FRMD5: variants seen among roughly 807,000 people sequenced by gnomAD.
FRMD5 encodes FERM domain-containing protein 5.
In FRMD5, 20 loss-of-function variants were observed where a neutral mutation model predicts 69.0. The ratio of observed to expected loss-of-function variants is 0.29; its 90% confidence interval spans 0.20 to 0.42. The LOEUF (loss-of-function observed/expected upper bound fraction) is 0.42, where lower values mean the gene tolerates loss of function less well. Ranked by LOEUF, FRMD5 falls within the 10% of genes least tolerant of loss-of-function variation. FRMD5 has a pLI of 1.00. For missense variants in FRMD5, 595 were observed against 708.6 expected (o/e 0.84, Z 1.82); for synonymous variants, 271 against 260.1 (o/e 1.04, Z -0.40).
chr15:44,153,672 T>C (rs775223468), intron 1 of FRMD5, among the ~76,000 whole-genome samples: 1 of 152,180 alleles, frequency 6.6e-6, no homozygotes, highest in Non-Finnish European at 1.5e-5. Context: ...GGACTGTACA[T>C]TTTAAAATGG....
Position 43,882,625 on chromosome 15 carries a change from C to T in FRMD5, c.1135+1078G>A, listed in dbSNP as rs757439444. ...CCACCCACCTCAGCCTCCCAGAGTGCTGGGACTACAGGCGTGAGCCACTGC... is the reference window on the plus strand; with the variant it reads ...CCACCCACCTCAGCCTCCCAGAGTGTTGGGACTACAGGCGTGAGCCACTGC... On this transcript the variant is annotated intron_variant, in intron 13 of 13. Transcript: ENST00000417257. Among the ~76,000 whole-genome samples, 74 of 152,072 alleles carry T rather than the reference C, an allele frequency of 4.9e-4. 2 individuals are homozygous for T. Among genetic ancestry groups the T allele is most frequent in the Non-Finnish European group, 1.0e-4 (7 of 68,018 alleles).
intron 1 of FRMD5, among the ~76,000 whole-genome samples, chr15:43,961,166 TAAA>T (rs1254210030): frequency 6.6e-6 from 1 of 151,712 alleles, no homozygotes; most frequent in South Asian, 2.1e-4. Context: ...GCAAGACTAA[TAAA>T]GAAGAAAAGA....
intron 1 of FRMD5, among the ~76,000 whole-genome samples, chr15:44,178,573 G>A (rs758968830): frequency 3.3e-5 from 5 of 152,054 alleles, no homozygotes; most frequent in South Asian, 2.1e-4. Context: ...CTTGGAATTC[G>A]GGATCAATGT....
At chr15:44,115,937 C>G (rs2140618278) in intron 1 of FRMD5, among the ~76,000 whole-genome samples, 1 of 152,236 alleles carries the variant, frequency 6.6e-6, no homozygotes, top group Non-Finnish European at 1.5e-5. Context: ...TCCTTTCTTT[C>G]TCTGGATTAT....
intron 1 of FRMD5, among the ~76,000 whole-genome samples, chr15:44,000,684 T>C (rs1890171764): frequency 6.6e-6 from 1 of 152,212 alleles, no homozygotes; most frequent in African/African-American, 2.4e-5. Context: ...GTTCTTGAAC[T>C]CCTGATCTCA....
chr15:44,095,242 G>T (rs1042806210), intron 1 of FRMD5, among the ~76,000 whole-genome samples: 3 of 147,590 alleles, frequency 2.0e-5, no homozygotes, highest in Admixed American at 6.9e-5. Flanking sequence ...TTGCTCTGTT[G>T]CCCAGGCTGC....
chr15:43,952,447 G>A (rs534202926), intron 1 of FRMD5, among the ~76,000 whole-genome samples: 2 of 152,258 alleles, frequency 1.3e-5, no homozygotes, highest in African/African-American at 4.8e-5. Flanking sequence ...CAGCAAGAAG[G>A]GAATGAAATC....
upstream of FRMD5, among the ~76,000 whole-genome samples, chr15:44,198,599 A>AACAGAG (rs2078324787): frequency 6.6e-6 from 1 of 151,908 alleles, no homozygotes; most frequent in Non-Finnish European, 1.5e-5. Flanking sequence ...TATAAAACCA[A>AACAGAG]ACTGAATTTT....
intron 1 of FRMD5, among the ~76,000 whole-genome samples, chr15:44,117,791 TG>T (rs1436176789): frequency 3.0e-4 from 46 of 152,306 alleles, no homozygotes; most frequent in African/African-American, 9.6e-4. Flanking sequence ...ACCTAGCAGC[TG>T]GGTGTACTTC....
chr15:44,137,511 C>T (rs958463732), intron 1 of FRMD5, among the ~76,000 whole-genome samples: 5 of 152,158 alleles, frequency 3.3e-5, no homozygotes, highest in South Asian at 2.1e-4. Flanking sequence ...TTAATGGAAT[C>T]GGAATCATAT....
At chr15:43,992,643 G>A (rs917270486) in intron 1 of FRMD5, among the ~76,000 whole-genome samples, 1 of 152,124 alleles carries the variant, frequency 6.6e-6, no homozygotes, top group Non-Finnish European at 1.5e-5. Context: ...CGCCCAAAAC[G>A]CTGGGATTAC....
intron 1 of FRMD5, among the ~76,000 whole-genome samples, chr15:44,027,639 G>GT (rs767882395): frequency 0.11 from 2,960 of 26,788 alleles, 182 homozygotes; most frequent in East Asian, 0.29. Context: ...TTCTTTTCTA[G>GT]TTTTTTTTTT....
chr15:44,179,174 C>T (rs973695565), intron 1 of FRMD5, among the ~76,000 whole-genome samples: 3 of 152,050 alleles, frequency 2.0e-5, no homozygotes, highest in Non-Finnish European at 4.4e-5. Flanking sequence ...GAGAAGACTA[C>T]CAGCCATTAG....
At chr15:44,071,459 CAAACT>C (rs1213049895) in intron 1 of FRMD5, among the ~76,000 whole-genome samples, 6 of 151,542 alleles carry the variant, frequency 4.0e-5, no homozygotes, top group Non-Finnish European at 7.4e-5. Context: ...CAAAACAAAA[CAAACT>C]AAAGTTCTGG....
At chr15:43,899,756 C>T (rs932219377) in intron 7 of FRMD5, among the ~76,000 whole-genome samples, 1 of 152,210 alleles carries the variant, frequency 6.6e-6, no homozygotes, top group African/African-American at 2.4e-5. Context: ...CTCCCTGCAG[C>T]CTCTTCAGCC....
At chr15:43,982,634 A>T (rs1043272305) in intron 1 of FRMD5, among the ~76,000 whole-genome samples, 1 of 152,204 alleles carries the variant, frequency 6.6e-6, no homozygotes, top group Non-Finnish European at 1.5e-5. Context: ...TGCATTAAGA[A>T]TTCAATTTTT....
At chr15:43,910,430 T>TA (rs1484889366) in intron 4 of FRMD5, among the ~76,000 whole-genome samples, 1 of 151,952 alleles carries the variant, frequency 6.6e-6, no homozygotes, top group Non-Finnish European at 1.5e-5. Context: ...AGCCTCAACT[T>TA]ACCAAGAGAA....
At chr15:43,997,211 A>G (rs964281826) in intron 1 of FRMD5, among the ~76,000 whole-genome samples, 2 of 152,168 alleles carry the variant, frequency 1.3e-5, no homozygotes, top group Non-Finnish European at 2.9e-5. Context: ...GGTAACTCCC[A>G]AATTTCATCT....
intron 1 of FRMD5, among the ~76,000 whole-genome samples, chr15:43,947,019 G>A (rs1392206464): frequency 5.9e-5 from 9 of 152,114 alleles, no homozygotes; most frequent in East Asian, 1.9e-4. Context: ...TTAAATTCCC[G>A]TACACCTTGT....
Sources: gnomAD v4.1 joint callset for allele counts (sites outside exome capture counted in the v4.1 genomes callset) on GRCh38, gnomAD v4.1.1 for gene constraint, MANE v1.5 for transcripts, NCBI Gene and HGNC (gene_info 2026-07-23, HGNC 2026-07-21) for gene names.